Variants in SIM2 observed in about 807,000 individuals in gnomAD.
The protein encoded by SIM2 is single-minded homolog 2.
SIM2 carries 28 observed loss-of-function variants against 64.8 expected under a neutral mutation model. The observed-to-expected ratio is 0.43, with a 90% confidence interval of 0.32 to 0.59. The LOEUF (loss-of-function observed/expected upper bound fraction) is 0.59, where lower values mean the gene tolerates loss of function less well. SIM2 is among the 20% of genes least tolerant of loss of function. SIM2 has a pLI of 0.07. For missense variants in SIM2, 847 were observed against 871.4 expected (o/e 0.97, Z 0.35); for synonymous variants, 408 against 391.1 (o/e 1.04, Z -0.51).
intron 1 of SIM2, among the ~76,000 whole-genome samples, chr21:36,708,251 G>A (rs193211437): frequency 1.3e-5 from 2 of 152,324 alleles, no homozygotes; most frequent in Non-Finnish European, 2.9e-5. Flanking sequence ...AGCCTCGCCC[G>A]GCTTTCCTGC....
At chr21:36,739,593 A>G (rs576391056) in intron 7 of SIM2, among the ~76,000 whole-genome samples, 7 of 152,326 alleles carry the variant, frequency 4.6e-5, no homozygotes, top group East Asian at 1.9e-4. Flanking sequence ...CTTTGTAGGT[A>G]AGTCTGTGTT....
At chr21:36,701,478 G>T in intron 1 of SIM2, 1 of 151,856 alleles carries the variant, frequency 6.6e-6, no homozygotes, top group African/African-American at 2.4e-5. Flanking sequence ...AGCCAGGCGC[G>T]GGCTGACCCG....
chr21:36,729,236 G>C (rs1274409344), intron 6 of SIM2, among the ~76,000 whole-genome samples: 1 of 152,132 alleles, frequency 6.6e-6, no homozygotes, highest in Admixed American at 6.5e-5. Context: ...AGAGATGCCT[G>C]GTTTTCTTTT....
intron 2 of SIM2, among the ~76,000 whole-genome samples, chr21:36,710,975 C>G (rs1166235103): frequency 3.3e-5 from 5 of 152,188 alleles, no homozygotes; most frequent in Non-Finnish European, 7.3e-5. Flanking sequence ...CAATGAAAAC[C>G]TGGCTGGTAA....
chr21:36,705,768 G>C (rs910863199), intron 1 of SIM2, among the ~76,000 whole-genome samples: 5 of 152,232 alleles, frequency 3.3e-5, no homozygotes, highest in Admixed American at 6.5e-5. Context: ...GCTGGGGTTA[G>C]GGACTGGCAC....
rs150148817 is a variant in SIM2 at position 36,743,563 on chromosome 21, G to C, written c.1167+8G>C. On this transcript the variant is annotated splice_region_variant and intron_variant, in intron 9 of 10. Transcript: ENST00000290399. ...AACCCTTACCCCCCACAGGTAACAC[G>C]CATGTCCTGCAGTTTTGGGGTGCTG... 1 of 1,611,654 alleles carries C rather than the reference G, an allele frequency of 6.2e-7. No homozygotes were observed. The highest frequency in any genetic ancestry group is 1.1e-5 in the South Asian group (1 of 90,628).
chr21:36,727,811 AC>A (rs2088912751), intron 6 of SIM2, among the ~76,000 whole-genome samples: 1 of 152,190 alleles, frequency 6.6e-6, no homozygotes, highest in Non-Finnish European at 1.5e-5. Context: ...GGTAAAATAC[AC>A]ATCACATAAA....
At chr21:36,728,561 T>A (rs943035970) in intron 6 of SIM2, among the ~76,000 whole-genome samples, 9 of 152,226 alleles carry the variant, frequency 5.9e-5, no homozygotes, top group Non-Finnish European at 8.8e-5. Flanking sequence ...CTCCCAGATC[T>A]CTGGTTGTTC....
chr21:36,706,173 C>T (rs2088578149), intron 1 of SIM2, among the ~76,000 whole-genome samples: 1 of 152,340 alleles, frequency 6.6e-6, no homozygotes, highest in Non-Finnish European at 1.5e-5. Flanking sequence ...GTGTGAGGAA[C>T]GGCAGGCAGG....
intron 1 of SIM2, among the ~76,000 whole-genome samples, chr21:36,704,240 C>T (rs182032335): frequency 9.5e-4 from 145 of 152,296 alleles, no homozygotes; most frequent in Admixed American, 4.4e-3. Context: ...AACTGTTTCC[C>T]GGAATCAAAG....
In SIM2 at chr21:36,748,034, C is replaced by G. The variant is rs1312180808; in HGVS notation, c.1946C>G (p.Pro649Arg). 6.7e-6 allele frequency: 8 copies of G among 1,191,442 alleles called. No homozygotes were observed. Among genetic ancestry groups the G allele is most frequent in the Non-Finnish European group, 8.3e-6 (8 of 962,876 alleles). 73.8% of individuals were successfully genotyped at this position (1,191,442 alleles called of 1,614,324 possible). The part of the protein sequence containing the change: ...RHPSPAATSP[P>R]GAPLPHYLGA... ...CCGAGCCCCGCCGCCACCTCCCCGC[C>G]CGGCGCGCCCCTGCCGCACTACCTG... The change falls in exon 11 of 11, where the codon CCC (proline) becomes CGC (arginine). Residue 649 changes from proline (P) to arginine (R), a missense_variant. Pro to Arg is a moderately radical substitution (Grantham distance 103). Coordinates refer to ENST00000290399, the MANE Select transcript of SIM2 (RefSeq NM_005069.6).
intron 3 of SIM2, 110 bp downstream of exon 3, chr21:36,712,732 G>A (rs2088694258): frequency 1.5e-5 from 11 of 712,394 alleles, no homozygotes; most frequent in Non-Finnish European, 2.6e-5. Context: ...TTGCTTTTGT[G>A]TAAGAACATA....
chr21:36,745,054 G>GC lies in SIM2; in HGVS notation c.1496dup (p.Ser500Ter). On this transcript the variant is annotated frameshift_variant, in exon 10 of 11. Coordinates refer to ENST00000290399, the MANE Select transcript of SIM2 (RefSeq NM_005069.6). LOFTEE classifies it high-confidence loss of function. This position sits in a 1 kb window ranked among gnomAD's most constrained non-coding sequence, Gnocchi z 4.8. ...AGTGGCATTATGCCAACCCCCTAGT[G>GC]CCTAGCAGCTCGTCTCCAGCTAAAA... 6.2e-7 allele frequency: 1 copy of GC among 1,613,756 alleles called. No homozygotes were observed. The highest frequency in any genetic ancestry group is 8.5e-7 in the Non-Finnish European group (1 of 1,179,680).
At position 36,731,279 on chromosome 21, in the gene SIM2, C is replaced by A. The variant is rs531153366; in HGVS notation, c.850+128C>A. On this transcript the variant is annotated intron_variant, in intron 7 of 10. Transcript: ENST00000290399. Reference sequence around the variant, plus strand: ...CCATGATACACACTTGAATCTCAAGCCCCAAGTGTGGCTTCCTCCACCCCG... The same window carrying A: ...CCATGATACACACTTGAATCTCAAGACCCAAGTGTGGCTTCCTCCACCCCG... 500 of 656,344 alleles carry A rather than the reference C, an allele frequency of 7.6e-4. 1 individual carries two copies. The highest frequency in any genetic ancestry group is 7.1e-4 in the Non-Finnish European group (276 of 389,776). The allele number at this position is 656,344 out of a possible 1,614,324, so 40.7% of individuals were successfully genotyped here.
At chr21:36,703,092 G>A (rs1023606100) in intron 1 of SIM2, among the ~76,000 whole-genome samples, 8 of 152,144 alleles carry the variant, frequency 5.3e-5, no homozygotes, top group African/African-American at 1.2e-4. Context: ...CTGCCACTGC[G>A]GTCCTGTGGG....
chr21:36,714,367 T>C (rs1350215045), intron 3 of SIM2, among the ~76,000 whole-genome samples: 1 of 152,226 alleles, frequency 6.6e-6, no homozygotes, highest in African/African-American at 2.4e-5. Flanking sequence ...AATTTAGATC[T>C]GAGCTCCCTA....
rs764096326 is a variant in SIM2, at chr21:36,741,675, C to A, written c.851-42C>A. On this transcript the variant is annotated intron_variant, in intron 7 of 10. Transcript: ENST00000290399. ...TGGGGGCAGCATCCCAGAGGTGGGGCCTGCGAAGCGTCTGAGGACTCCTGT... is the reference window on the plus strand; with the variant it reads ...TGGGGGCAGCATCCCAGAGGTGGGGACTGCGAAGCGTCTGAGGACTCCTGT... The A allele has an allele frequency of 5.0e-6, 8 of 1,603,636 alleles. No homozygotes were observed. In the African/African-American group the frequency reaches 6.7e-5, roughly 13 times the overall value.
At position 36,711,279 on chromosome 21, in the gene SIM2, C is replaced by T. The variant is rs2088673827; in HGVS notation, c.259-1254C>T. ...ATGATTTTGGAATTAAGCAAGCATG[C>T]CAAATGCGCCAAGACATTTATAACT... On this transcript the variant is annotated intron_variant, in intron 2 of 10. Transcript: ENST00000290399. 2.0e-5 allele frequency among the ~76,000 whole-genome samples: 3 copies of T among 152,134 alleles called. No individual in the cohort carries two copies. The South Asian group carries it at 6.2e-4, about 32-fold the overall frequency.
intron 4 of SIM2, 142 bp downstream of exon 4, chr21:36,720,071 A>T (rs1200702655): frequency 1.6e-6 from 1 of 624,578 alleles, no homozygotes; most frequent in Non-Finnish European, 2.9e-6. Flanking sequence ...CAATACACAC[A>T]CAGCACCCAC....
Sources: allele counts gnomAD v4.1 joint callset (sites outside exome capture counted in the v4.1 genomes callset), GRCh38; gene constraint gnomAD v4.1.1; non-coding constraint Gnocchi (gnomAD v3.1); transcripts MANE v1.5; gene names NCBI Gene and HGNC (gene_info 2026-07-23, HGNC 2026-07-21).